The following KIF13A variants were observed in gnomAD, a reference collection of about 807,000 sequenced individuals.
KIF13A encodes kinesin family member 13A.
Under a neutral mutation model 212.2 loss-of-function variants are expected in KIF13A, and 79 were observed. The observed-to-expected ratio is 0.37, with a 90% CI of 0.31 to 0.45. The LOEUF (loss-of-function observed/expected upper bound fraction) is 0.45, where lower values mean the gene tolerates loss of function less well. Among genes scored for constraint, KIF13A ranks in the 20% least tolerant of loss-of-function variants. KIF13A has a pLI of 1.00. For synonymous variants in KIF13A, 789 were observed against 808.6 expected, an observed-to-expected ratio of 0.98 and a Z score of 0.41; for missense variants, 1,901 against 2,209.0, an observed-to-expected ratio of 0.86 and a Z score of 2.79.
chr6:17,780,687 T>C (rs538580906), intron 31 of KIF13A, 43 bp downstream of exon 31: 1 of 1,579,376 alleles, frequency 6.3e-7, no homozygotes, highest in East Asian at 2.2e-5. Context: ...GAAAAATCTT[T>C]TGAGCTCAGA....
chr6:17,816,918 T>C lies in KIF13A; in HGVS notation c.2000+102A>G, dbSNP rs1764000355. The C allele has an allele frequency of 1.2e-6, 1 of 837,816 alleles. No individual in the cohort carries two copies. The highest frequency in any genetic ancestry group is 1.8e-6 in the Non-Finnish European group (1 of 545,354). The allele number at this position is 837,816 out of a possible 1,614,324, so 51.9% of individuals were successfully genotyped here. ...ATATCACGTATGGGATTAAGAGTTC[T>C]CTTGTTGCTAGGTTTGTCCCTGACA... On this transcript the variant is annotated intron_variant, in intron 17 of 38. Coordinates refer to ENST00000259711, the MANE Select transcript of KIF13A (RefSeq NM_022113.6). The surrounding 1 kb of genome is among the most constrained non-coding windows in gnomAD (Gnocchi z 4.3).
Position 17,956,857 on chromosome 6 carries a change from A to G in KIF13A, c.146+30197T>C, listed in dbSNP as rs368423277. Among the ~76,000 whole-genome samples, 83 of 151,934 alleles carry G rather than the reference A, an allele frequency of 5.5e-4. 2 individuals are homozygous for G. The South Asian group carries it at 7.9e-3, about 14-fold the overall frequency. On this transcript the variant is annotated intron_variant, in intron 2 of 38. Transcript: ENST00000259711. ...GCTGAGTTTCCCCACTCAGTCTACT[A>G]GTATGAGATCACAACCTTTCTGTTC...
At chr6:17,806,213 G>A (rs1000405575) in intron 18 of KIF13A, among the ~76,000 whole-genome samples, 6 of 152,134 alleles carry the variant, frequency 3.9e-5, no homozygotes, top group African/African-American at 1.2e-4. Context: ...GATTACAGGC[G>A]TGAGCCACCA....
chr6:17,768,444 A>G lies in KIF13A; in HGVS notation c.4581+2670T>C, dbSNP rs1409874199. 6.6e-6 allele frequency among the ~76,000 whole-genome samples: 1 copy of G among 152,172 alleles called. No individual in the cohort carries two copies. On this transcript the variant is annotated intron_variant, in intron 38 of 38. Coordinates refer to ENST00000259711, the MANE Select transcript of KIF13A (RefSeq NM_022113.6). This position sits in a 1 kb window ranked among gnomAD's most constrained non-coding sequence, Gnocchi z 5.4. ...GTAAGGAGTTTCCTTCATTAATGCA[A>G]TTTCCACTCCTATTATAATCATGTC...
intron 3 of KIF13A, chr6:17,881,892 A>T (rs773624877): frequency 9.2e-5 from 37 of 401,892 alleles, no homozygotes; most frequent in Non-Finnish European, 2.5e-5. Flanking sequence ...GCTACTCGGG[A>T]GGCTGAGGCA....
intron 9 of KIF13A, among the ~76,000 whole-genome samples, chr6:17,844,288 G>T (rs1766809776): frequency 6.6e-6 from 1 of 152,112 alleles, no homozygotes; most frequent in East Asian, 1.9e-4. Context: ...TTTTCCAGTG[G>T]TTAATGCCAA....
rs897342719 is a variant in KIF13A, at chr6:17,771,279, A to G, written c.4477-61T>C. The G allele has an allele frequency of 9.7e-7, 1 of 1,035,260 alleles. No homozygotes were observed. The highest frequency in any genetic ancestry group is 2.5e-5 in the East Asian group (1 of 39,970). The allele number at this position is 1,035,260 out of a possible 1,614,324, so 64.1% of individuals were successfully genotyped here. On this transcript the variant is annotated intron_variant, in intron 37 of 38. Transcript: ENST00000259711. This position sits in a 1 kb window ranked among gnomAD's most constrained non-coding sequence, Gnocchi z 5.4. ...AAAGACGACAACGGCCAAAATACAT[A>G]TTAAGTACATGCAAGTTAGAAAAGC...
intron 2 of KIF13A, among the ~76,000 whole-genome samples, chr6:17,969,828 A>G (rs1280813062): frequency 9.2e-5 from 14 of 152,206 alleles, no homozygotes; most frequent in Admixed American, 7.9e-4. Flanking sequence ...AGGATATTTA[A>G]CAGAAGCATT....
intron 2 of KIF13A, among the ~76,000 whole-genome samples, chr6:17,929,802 A>G (rs1276616066): frequency 6.6e-6 from 1 of 152,184 alleles, no homozygotes; most frequent in Non-Finnish European, 1.5e-5. Context: ...TCAGCCTCCC[A>G]AAGTGTTGGG....
chr6:17,832,467 A>T (rs1765530686), intron 12 of KIF13A, among the ~76,000 whole-genome samples: 1 of 150,804 alleles, frequency 6.6e-6, no homozygotes, highest in African/African-American at 2.4e-5. Flanking sequence ...TGAATCCCTG[A>T]CTCTACCAAA....
intron 2 of KIF13A, among the ~76,000 whole-genome samples, chr6:17,956,770 A>G (rs1176149392): frequency 6.6e-6 from 1 of 152,144 alleles, no homozygotes; most frequent in Non-Finnish European, 1.5e-5. Flanking sequence ...GTCCTGCTCT[A>G]TACTCTGGAG....
chr6:17,913,160 C>T (rs1372448755), intron 2 of KIF13A, among the ~76,000 whole-genome samples: 1 of 151,784 alleles, frequency 6.6e-6, no homozygotes, highest in Admixed American at 6.6e-5. Context: ...AGACTGGTCC[C>T]TTTTACTAAG....
rs1385695013 is a variant in KIF13A, at chr6:17,799,341, G to A, written c.2715C>T (p.Ala905=). Residue 905 remains alanine, a synonymous_variant, in exon 22 of 39, where the codon GCC becomes GCT. Transcript: ENST00000259711. The surrounding 1 kb of genome is among the most constrained non-coding windows in gnomAD (Gnocchi z 4.4). ...AAGGCACCTCGGGGTCCACCACCGG[G>A]GCAGCCACCGTAGACTCACACTGGT... ...FWDQCESTVA[A]PVVDPEVPSP... is the part of the protein sequence containing the mutation. 1 of 1,613,102 alleles carries A rather than the reference G, an allele frequency of 6.2e-7. No individual in the cohort carries two copies.
Position 17,838,501 on chromosome 6 carries a change from C to T in KIF13A, c.831-918G>A, listed in dbSNP as rs550535667. On this transcript the variant is annotated intron_variant, in intron 9 of 38. Transcript: ENST00000259711. This position sits in a 1 kb window ranked among gnomAD's most constrained non-coding sequence, Gnocchi z 4.2. The stretch of plus-strand genomic sequence containing the variant: ...CAAAGACGAGTCACTGAAAAGTCCC[C>T]GAAATATAATATAAACTCAAGATTC... 3.3e-4 allele frequency among the ~76,000 whole-genome samples: 50 copies of T among 151,906 alleles called. No homozygotes were observed. Among genetic ancestry groups the T allele is most frequent in the African/African-American group, 8.4e-4 (35 of 41,438 alleles).
chr6:17,930,106 G>T (rs1316573678), intron 2 of KIF13A, among the ~76,000 whole-genome samples: 1 of 152,126 alleles, frequency 6.6e-6, no homozygotes, highest in Non-Finnish European at 1.5e-5. Flanking sequence ...GCTCTCTGAA[G>T]GATAAAAGGA....
intron 17 of KIF13A, among the ~76,000 whole-genome samples, chr6:17,810,365 T>C (rs539088335): frequency 2.6e-5 from 4 of 152,276 alleles, no homozygotes; most frequent in East Asian, 3.9e-4. Context: ...TCTTCTCCCA[T>C]AAAATAAATC....
chr6:17,764,270 G>C lies in KIF13A; in HGVS notation c.5258C>G (p.Ser1753Cys). The change falls in exon 39 of 39, where the codon TCT becomes TGT. Residue 1753 changes from serine to cysteine, a missense_variant. Ser to Cys is a moderately radical substitution (Grantham distance 112). Coordinates refer to ENST00000259711, the MANE Select transcript of KIF13A (RefSeq NM_022113.6). The surrounding 1 kb of genome is among the most constrained non-coding windows in gnomAD (Gnocchi z 5.1). ...EGKDFDGLTD[S>C]SAGELSSRRS... Reference sequence around the variant, plus strand: ...CCTACTGGAAAGCTCTCCAGCAGAAGAATCTGTCAAACCATCAAAATCTTT... The same window carrying C: ...CCTACTGGAAAGCTCTCCAGCAGAACAATCTGTCAAACCATCAAAATCTTT... 6.2e-7 allele frequency: 1 copy of C among 1,613,976 alleles called. No individual in the cohort carries two copies. Among genetic ancestry groups the C allele is most frequent in the Non-Finnish European group, 8.5e-7 (1 of 1,179,868 alleles).
chr6:17,981,788 A>G (rs554772744), intron 2 of KIF13A, among the ~76,000 whole-genome samples: 7 of 152,060 alleles, frequency 4.6e-5, no homozygotes, highest in Non-Finnish European at 1.0e-4. Flanking sequence ...GAATAACAAC[A>G]CAGAAAAGAG....
In KIF13A at chr6:17,849,193, G is replaced by A. The variant is rs577985823; in HGVS notation, c.830+184C>T. Among the ~76,000 whole-genome samples the A allele has an allele frequency of 3.3e-5, 5 of 152,256 alleles. No homozygotes were observed. In the East Asian group the frequency reaches 5.8e-4, roughly 18 times the overall value. ...ACTGGGATTACAGGCATGAGCCACC[G>A]TGCCTGGCCAAAAACCTCATACATC... is the stretch of plus-strand genomic sequence containing the variant. On this transcript the variant is annotated intron_variant, in intron 9 of 38. Coordinates refer to ENST00000259711, the MANE Select transcript of KIF13A (RefSeq NM_022113.6). This position sits in a 1 kb window ranked among gnomAD's most constrained non-coding sequence, Gnocchi z 5.7.
Sources: gnomAD v4.1 joint callset for allele counts (sites outside exome capture counted in the v4.1 genomes callset) on GRCh38, gnomAD v4.1.1 for gene constraint, Gnocchi (gnomAD v3.1) non-coding constraint, MANE v1.5 for transcripts, NCBI Gene and HGNC (gene_info 2026-07-23, HGNC 2026-07-21) for gene names.